Variants in LIMCH1 observed in about 807,000 individuals in gnomAD.
LIMCH1 encodes LIM and calponin homology domains 1.
Under a neutral mutation model 176.5 loss-of-function variants are expected in LIMCH1, and 113 were observed. The ratio of observed to expected loss-of-function variants is 0.64; its 90% CI spans 0.55 to 0.75. LIMCH1 has a LOEUF of 0.75. Ranked by LOEUF, LIMCH1 falls within the 30% of genes least tolerant of loss-of-function variation. LIMCH1 has a pLI of 0.00. For synonymous variants in LIMCH1, 619 were observed against 645.9 expected (o/e 0.96, Z 0.63); for missense variants, 1,674 against 1,814.9 (o/e 0.92, Z 1.41).
chr4:41,463,700 C>G (rs1286620787), intron 1 of LIMCH1, among the ~76,000 whole-genome samples: 1 of 151,974 alleles, frequency 6.6e-6, no homozygotes, highest in Admixed American at 6.6e-5. Context: ...CTCAGCACCC[C>G]CCGAGCAGCT....
chr4:41,529,874 G>A (rs2152433188), intron 3 of LIMCH1, among the ~76,000 whole-genome samples: 1 of 152,240 alleles, frequency 6.6e-6, no homozygotes, highest in Admixed American at 6.5e-5. Flanking sequence ...CTAGCTGAAG[G>A]TCAGAAGCAG....
intron 1 of LIMCH1, among the ~76,000 whole-genome samples, chr4:41,454,639 A>G (rs1007045675): frequency 1.3e-5 from 2 of 152,158 alleles, no homozygotes; most frequent in African/African-American, 4.8e-5. Context: ...GTATGTGTCA[A>G]AGTAGTGTAT....
At chr4:41,491,550 A>G (rs2071008806) in intron 1 of LIMCH1, among the ~76,000 whole-genome samples, 1 of 147,586 alleles carries the variant, frequency 6.8e-6, no homozygotes, top group Non-Finnish European at 1.5e-5. Context: ...GGCCGGGTAG[A>G]GGCGCTCCTC....
chr4:41,491,086 T>C (rs1583037172), intron 1 of LIMCH1, among the ~76,000 whole-genome samples: 4 of 90,320 alleles, frequency 4.4e-5, no homozygotes, highest in African/African-American at 1.8e-4. Context: ...CCAGACAGGG[T>C]GGTGGCCGGA....
At chr4:41,444,513 C>T (rs113096573) in intron 1 of LIMCH1, among the ~76,000 whole-genome samples, 9 of 152,100 alleles carry the variant, frequency 5.9e-5, no homozygotes, top group Admixed American at 4.6e-4. Context: ...GGCGTCAGGC[C>T]GTGCCTGTGG....
intron 1 of LIMCH1, among the ~76,000 whole-genome samples, chr4:41,563,228 C>G (rs1161791939): frequency 1.3e-5 from 2 of 152,052 alleles, no homozygotes; most frequent in Admixed American, 6.6e-5. Context: ...TTTCTTTGAT[C>G]TGTCAAACTT....
At chr4:41,479,460 C>T (rs940114474) in intron 1 of LIMCH1, among the ~76,000 whole-genome samples, 1 of 152,116 alleles carries the variant, frequency 6.6e-6, no homozygotes, top group Non-Finnish European at 1.5e-5. Flanking sequence ...CACTGTGTTG[C>T]CCAGGCTCGT....
At chr4:41,435,260 G>A (rs1003813251) in intron 1 of LIMCH1, among the ~76,000 whole-genome samples, 1 of 152,178 alleles carries the variant, frequency 6.6e-6, no homozygotes, top group Non-Finnish European at 1.5e-5. Context: ...ACGGAGAGAT[G>A]ATGATGGAAC....
At chr4:41,582,669 T>C (rs2152688185) in intron 1 of LIMCH1, among the ~76,000 whole-genome samples, 1 of 152,324 alleles carries the variant, frequency 6.6e-6, no homozygotes, top group Non-Finnish European at 1.5e-5. Flanking sequence ...ATAATAATAG[T>C]ATCTACCTCA....
intron 2 of LIMCH1, among the ~76,000 whole-genome samples, chr4:41,499,689 A>G (rs1424381913): frequency 6.6e-6 from 1 of 152,140 alleles, no homozygotes; most frequent in Non-Finnish European, 1.5e-5. Flanking sequence ...GTGGTGGCGC[A>G]TGCCTCTAGT....
intron 21 of LIMCH1, among the ~76,000 whole-genome samples, chr4:41,668,709 T>C (rs1441422893): frequency 6.6e-6 from 1 of 152,216 alleles, no homozygotes. Flanking sequence ...TAGTTTGTTT[T>C]CATGCTGTTG....
intron 27 of LIMCH1, among the ~76,000 whole-genome samples, chr4:41,684,922 C>T (rs574203173): frequency 3.4e-4 from 51 of 152,204 alleles, no homozygotes; most frequent in Non-Finnish European, 6.3e-4. Flanking sequence ...CCATCGGTTC[C>T]CATTGCCATT....
chr4:41,563,344 T>C (rs562405230), intron 1 of LIMCH1, among the ~76,000 whole-genome samples: 1 of 152,280 alleles, frequency 6.6e-6, no homozygotes, highest in African/African-American at 2.4e-5. Flanking sequence ...GTTAATGTCT[T>C]TATCCTGACA....
In LIMCH1 at chr4:41,619,345, C is replaced by A; in HGVS notation, c.363C>A (p.Val121=). The A allele has an allele frequency of 6.2e-7, 1 of 1,614,162 alleles. No individual in the cohort carries two copies. Among genetic ancestry groups the A allele is most frequent in the South Asian group, 1.1e-5 (1 of 91,078 alleles). ...ACAAAAGCAATCAGACGGCCTACGT[C>A]CCCGCGCCTCTGAGAAAGAAGAAAG... ...LPNKSNQTAY[V]PAPLRKKKAE... is the part of the protein sequence containing the mutation. Residue 121 remains valine, a synonymous_variant, in exon 6 of 32, where the codon GTC becomes GTA. Transcript: ENST00000503057.
intron 5 of LIMCH1, among the ~76,000 whole-genome samples, chr4:41,617,540 T>C (rs1435840885): frequency 6.6e-6 from 1 of 152,182 alleles, no homozygotes; most frequent in Non-Finnish European, 1.5e-5. Flanking sequence ...TATACTTGTT[T>C]AAGGACCGGG....
intron 1 of LIMCH1, among the ~76,000 whole-genome samples, chr4:41,487,040 T>C (rs2069722578): frequency 6.6e-6 from 1 of 151,546 alleles, no homozygotes; most frequent in African/African-American, 2.4e-5. Flanking sequence ...ATTGTATTTT[T>C]AGTAGAGATG....
intron 1 of LIMCH1, among the ~76,000 whole-genome samples, chr4:41,555,317 A>G (rs1013831049): frequency 6.6e-6 from 1 of 152,214 alleles, no homozygotes; most frequent in Non-Finnish European, 1.5e-5. Context: ...GCAAAAGAGC[A>G]TGCGGTGAAT....
chr4:41,487,385 A>G (rs1451248583), intron 1 of LIMCH1, among the ~76,000 whole-genome samples: 2 of 152,176 alleles, frequency 1.3e-5, no homozygotes, highest in Admixed American at 1.3e-4. Flanking sequence ...GGCATGGGAG[A>G]GGGACAACAG....
intron 1 of LIMCH1, among the ~76,000 whole-genome samples, chr4:41,403,580 C>T (rs2058680658): frequency 6.6e-6 from 1 of 152,098 alleles, no homozygotes; most frequent in Non-Finnish European, 1.5e-5. Context: ...GACTCAGTCT[C>T]AAGTAAATAA....
Sources: gnomAD v4.1 joint callset for allele counts (sites outside exome capture counted in the v4.1 genomes callset) on GRCh38, gnomAD v4.1.1 for gene constraint, MANE v1.5 for transcripts, NCBI Gene and HGNC (gene_info 2026-07-23, HGNC 2026-07-21) for gene names.